ATF6: variants seen among roughly 807,000 people sequenced by gnomAD.
The protein encoded by ATF6 is cyclic AMP-dependent transcription factor ATF-6 alpha.
A neutral mutation model predicts 83.6 loss-of-function variants in ATF6; 53 were observed. The ratio of observed to expected loss-of-function variants is 0.63; its 90% CI spans 0.51 to 0.80. The LOEUF (loss-of-function observed/expected upper bound fraction) is 0.80. Among genes scored for constraint, ATF6 ranks in the 30% least tolerant of loss-of-function variants. The pLI, the probability that ATF6 is intolerant of heterozygous loss-of-function variation, is 0.00. For missense variants in ATF6, 744 were observed against 797.9 expected (o/e 0.93, Z 0.81); for synonymous variants, 288 against 285.8 (o/e 1.01, Z -0.08).
At chr1:161,812,044 T>A (rs1303872104) in intron 7 of ATF6, among the ~76,000 whole-genome samples, 1 of 152,194 alleles carries the variant, frequency 6.6e-6, no homozygotes, top group Admixed American at 6.5e-5. Context: ...ACTGAAGGAA[T>A]CAACTAGCTA....
At chr1:161,933,534 A>T (rs1029587161) in intron 15 of ATF6, among the ~76,000 whole-genome samples, 8 of 152,232 alleles carry the variant, frequency 5.3e-5, no homozygotes, top group Non-Finnish European at 1.0e-4. Flanking sequence ...TGTAAAGATG[A>T]TTTTAATTTG....
chr1:161,892,456 A>T (rs1221181859), intron 14 of ATF6, among the ~76,000 whole-genome samples: 1 of 152,182 alleles, frequency 6.6e-6, no homozygotes, highest in East Asian at 1.9e-4. Context: ...TACACAATTT[A>T]GAATTCCTTC....
chr1:161,784,695 G>A (rs1392405934), intron 4 of ATF6, among the ~76,000 whole-genome samples: 1 of 152,182 alleles, frequency 6.6e-6, no homozygotes, highest in Non-Finnish European at 1.5e-5. Context: ...TAATATTTTA[G>A]TATATTATAT....
chr1:161,891,367 A>G (rs1687551798), intron 14 of ATF6: 1 of 152,284 alleles, frequency 6.6e-6, no homozygotes, highest in African/African-American at 2.4e-5. Context: ...CAGGACGGCA[A>G]CAACTTCAGG....
In ATF6 at chr1:161,958,943, A is replaced by G. The variant is rs1689024942; in HGVS notation, c.*289A>G. On this transcript the variant is annotated 3_prime_UTR_variant, in exon 16 of 16. Transcript: ENST00000367942. ...AGATTTTTTTTTCTGTACCTTTCTAAACCTCTCTTCCCTCTGTGATGGTTT... is the reference window on the plus strand; with the variant it reads ...AGATTTTTTTTTCTGTACCTTTCTAGACCTCTCTTCCCTCTGTGATGGTTT... 1 of 268,924 alleles carries G rather than the reference A, an allele frequency of 3.7e-6. No individual in the cohort carries two copies. Among genetic ancestry groups the G allele is most frequent in the African/African-American group, 2.2e-5 (1 of 45,608 alleles). 16.7% of individuals were successfully genotyped at this position (268,924 alleles called of 1,614,324 possible).
At position 161,851,674 on chromosome 1, in the gene ATF6, T is replaced by A. The variant is rs374060601; in HGVS notation, c.1320-48T>A. ...GATGATTTTCTTATAGCAAACTTCTTAGGAATTTAAGATACAAGGAAACAA... is the reference window on the plus strand; with the variant it reads ...GATGATTTTCTTATAGCAAACTTCTAAGGAATTTAAGATACAAGGAAACAA... On this transcript the variant is annotated intron_variant, in intron 10 of 15. Coordinates refer to ENST00000367942, the MANE Select transcript of ATF6 (RefSeq NM_007348.4). 8.9e-6 allele frequency: 12 copies of A among 1,343,300 alleles called. No homozygotes were observed. In the African/African-American group the frequency reaches 1.7e-4, roughly 19 times the overall value. The allele number at this position is 1,343,300 out of a possible 1,614,324, so 83.2% of individuals were successfully genotyped here. A position where few individuals can be genotyped will look rare whatever the true frequency, so the allele number is the denominator to read the frequency against.
In ATF6 at chr1:161,782,886, C is replaced by T. The variant is rs190314366; in HGVS notation, c.247+887C>T. ...GTCACGAATTTTGACTGGGTGCTTA[C>T]GAATTTTGACCGGGTGCTCCAAGGA... On this transcript the variant is annotated intron_variant, in intron 3 of 15. Coordinates refer to ENST00000367942, the MANE Select transcript of ATF6 (RefSeq NM_007348.4). Among the ~76,000 whole-genome samples, 69 of 152,278 alleles carry T rather than the reference C, an allele frequency of 4.5e-4. 3 individuals carry two copies. The South Asian group carries it at 0.01, about 23-fold the overall frequency.
chr1:161,862,665 G>A (rs1330171705), intron 13 of ATF6, among the ~76,000 whole-genome samples: 1 of 152,058 alleles, frequency 6.6e-6, no homozygotes, highest in African/African-American at 2.4e-5. Context: ...TTATTGAGGA[G>A]GAAACAGTTT....
chr1:161,941,661 T>G (rs1486841934), intron 15 of ATF6, among the ~76,000 whole-genome samples: 1 of 152,104 alleles, frequency 6.6e-6, no homozygotes, highest in Admixed American at 6.5e-5. Context: ...AGCCCCAAGG[T>G]TTTTATTAAG....
chr1:161,814,757 T>C (rs1222062960), intron 7 of ATF6, among the ~76,000 whole-genome samples: 1 of 152,094 alleles, frequency 6.6e-6, no homozygotes, highest in Non-Finnish European at 1.5e-5. Flanking sequence ...ATGAGAAAAA[T>C]AAGTGTACGT....
At chr1:161,814,205 C>T (rs1356702419) in intron 7 of ATF6, among the ~76,000 whole-genome samples, 2 of 152,156 alleles carry the variant, frequency 1.3e-5, no homozygotes, top group Non-Finnish European at 2.9e-5. Context: ...TTTCTGAAGA[C>T]ACGTGAAGCA....
At position 161,845,836 on chromosome 1, in the gene ATF6, G is replaced by A. The variant is rs962360767; in HGVS notation, c.1188-613G>A. Among the ~76,000 whole-genome samples the A allele has an allele frequency of 3.3e-5, 5 of 150,726 alleles. No individual in the cohort carries two copies. In the South Asian group the frequency reaches 1.0e-3, roughly 32 times the overall value. On this transcript the variant is annotated intron_variant, in intron 9 of 15. Transcript: ENST00000367942. ...TTTGCTTATATGTATATATTTTGTT[G>A]TTTTCTCCAAATGCTTATGCCTCTG...
intron 7 of ATF6, among the ~76,000 whole-genome samples, chr1:161,811,169 T>C (rs1685445559): frequency 6.6e-6 from 1 of 152,208 alleles, no homozygotes; most frequent in African/African-American, 2.4e-5. Context: ...ATGGACAATA[T>C]ATACGAATAG....
At chr1:161,780,858 C>G (rs546291006) in intron 2 of ATF6, among the ~76,000 whole-genome samples, 2 of 152,002 alleles carry the variant, frequency 1.3e-5, no homozygotes, top group Non-Finnish European at 2.9e-5. Context: ...CGTAGGTGCA[C>G]GCCACTATGC....
At chr1:161,788,259 T>G (rs1684793661) in intron 4 of ATF6, among the ~76,000 whole-genome samples, 1 of 152,210 alleles carries the variant, frequency 6.6e-6, no homozygotes, top group South Asian at 2.1e-4. Flanking sequence ...GCACAATGTG[T>G]TTTTTTGTTG....
At chr1:161,870,691 C>A (rs1687103111) in intron 14 of ATF6, among the ~76,000 whole-genome samples, 1 of 151,718 alleles carries the variant, frequency 6.6e-6, no homozygotes, top group South Asian at 2.1e-4. Context: ...AACATAAAAA[C>A]ATGTTTTTTA....
chr1:161,829,242 C>G (rs1367954256), intron 9 of ATF6, among the ~76,000 whole-genome samples: 1 of 140,464 alleles, frequency 7.1e-6, no homozygotes, highest in Non-Finnish European at 1.5e-5. Flanking sequence ...CTTTGTTGCC[C>G]AGGCTGGAGT....
chr1:161,947,216 A>G (rs1006275429), intron 15 of ATF6, among the ~76,000 whole-genome samples: 1 of 152,222 alleles, frequency 6.6e-6, no homozygotes, highest in Non-Finnish European at 1.5e-5. Context: ...TCTGACTCTG[A>G]CAAGGACAAG....
intron 15 of ATF6, among the ~76,000 whole-genome samples, chr1:161,952,260 C>G (rs1458500858): frequency 6.6e-6 from 1 of 152,114 alleles, no homozygotes; most frequent in South Asian, 2.1e-4. Context: ...CAGTTTCTTA[C>G]TGCTTGCCAG....
Sources: gnomAD v4.1 joint callset for allele counts (sites outside exome capture counted in the v4.1 genomes callset) on GRCh38, gnomAD v4.1.1 for gene constraint, MANE v1.5 for transcripts, NCBI Gene and HGNC (gene_info 2026-07-23, HGNC 2026-07-21) for gene names.